SDK1: variants seen among roughly 807,000 people sequenced by gnomAD.
The protein encoded by SDK1 is sidekick cell adhesion molecule 1.
SDK1 carries 157 observed loss-of-function variants against 245.5 expected under a neutral mutation model. The observed-to-expected ratio is 0.64, with a 90% CI of 0.56 to 0.73. SDK1 has a LOEUF of 0.73. SDK1 is among the 30% of genes least tolerant of loss of function. The pLI is 0.00. For synonymous variants in SDK1, 1,647 were observed against 1,278.5 expected, an observed-to-expected ratio of 1.29 and a Z score of -6.15; for missense variants, 3,583 against 3,002.3, an observed-to-expected ratio of 1.19 and a Z score of -4.52.
chr7:3,570,836 C>G (rs1019243290), intron 1 of SDK1, among the ~76,000 whole-genome samples: 5 of 149,772 alleles, frequency 3.3e-5, no homozygotes, highest in Non-Finnish European at 6.0e-5. Context: ...TGTTCAGTGA[C>G]TTTTGTCAAT....
rs531496196 is a variant in SDK1, at chr7:3,472,812, A to G, written c.299-146268A>G. On this transcript the variant is annotated intron_variant, in intron 1 of 44. Coordinates refer to ENST00000404826, the MANE Select transcript of SDK1 (RefSeq NM_152744.4). Reference sequence around the variant, plus strand: ...CAGCATGAGAACATAGGGTAACAGCAAGTTGCTTGCCGTAGTTTTAGGTCT... The same window carrying G: ...CAGCATGAGAACATAGGGTAACAGCGAGTTGCTTGCCGTAGTTTTAGGTCT... Among the ~76,000 whole-genome samples the G allele has an allele frequency of 1.3e-4, 20 of 152,250 alleles. No individual in the cohort carries two copies. In the South Asian group the frequency reaches 3.9e-3, roughly 30 times the overall value.
chr7:3,971,627 T>A, intron 12 of SDK1, 59 bp downstream of exon 12: 1 of 1,286,808 alleles, frequency 7.8e-7, no homozygotes, highest in Non-Finnish European at 1.1e-6. Context: ...GTTTCTGAAG[T>A]GAAGTTGAGA....
chr7:3,967,688 C>A (rs888000387), intron 10 of SDK1, among the ~76,000 whole-genome samples: 4 of 152,218 alleles, frequency 2.6e-5, no homozygotes, highest in Non-Finnish European at 5.9e-5. Flanking sequence ...TCATTAGATT[C>A]TTCTAGGGAG....
chr7:3,999,571 G>T (rs557862571), intron 14 of SDK1, among the ~76,000 whole-genome samples: 20 of 152,280 alleles, frequency 1.3e-4, no homozygotes, highest in African/African-American at 4.8e-4. Flanking sequence ...GCCTCGGGGC[G>T]GGGGAGGCTG....
chr7:3,754,650 A>G (rs566172701), intron 4 of SDK1, among the ~76,000 whole-genome samples: 1 of 151,834 alleles, frequency 6.6e-6, no homozygotes, highest in East Asian at 1.9e-4. Flanking sequence ...TGACTGGAGA[A>G]ACAGCATGAC....
rs191831524 is a variant in SDK1, at chr7:3,499,571, T to C, written c.299-119509T>C. 2.6e-5 allele frequency among the ~76,000 whole-genome samples: 4 copies of C among 152,362 alleles called. No individual in the cohort carries two copies. The East Asian group carries it at 7.7e-4, about 29-fold the overall frequency. On this transcript the variant is annotated intron_variant, in intron 1 of 44. Coordinates refer to ENST00000404826, the MANE Select transcript of SDK1 (RefSeq NM_152744.4). ...AACACGTCAGGTTTGCTAGCTCTTC[T>C]TTATGGACTAACCACCCCATTGTTG...
chr7:3,780,724 A>T (rs1780705087), intron 4 of SDK1, among the ~76,000 whole-genome samples: 1 of 149,596 alleles, frequency 6.7e-6, no homozygotes, highest in African/African-American at 2.4e-5. Context: ...AAGCCCACCC[A>T]ACCACCCTGT....
rs560953164 is a variant in SDK1, at chr7:3,565,163, C to T, written c.299-53917C>T. Among the ~76,000 whole-genome samples, 3 of 151,820 alleles carry T rather than the reference C, an allele frequency of 2.0e-5. No homozygotes were observed. In the South Asian group the frequency reaches 6.3e-4, roughly 32 times the overall value. On this transcript the variant is annotated intron_variant, in intron 1 of 44. Transcript: ENST00000404826. ...AACTAGACACTGGAATATAGCTGGGCCCAGCAAACACATCTCTCCAGTCTT... is the reference window on the plus strand; with the variant it reads ...AACTAGACACTGGAATATAGCTGGGTCCAGCAAACACATCTCTCCAGTCTT...
intron 1 of SDK1, among the ~76,000 whole-genome samples, chr7:3,439,679 G>A (rs1780136886): frequency 6.6e-6 from 1 of 152,204 alleles, no homozygotes; most frequent in African/African-American, 2.4e-5. Context: ...ATGATCTGAT[G>A]CACTTTTGGA....
chr7:3,482,042 C>T (rs1478827196), intron 1 of SDK1, among the ~76,000 whole-genome samples: 1 of 151,826 alleles, frequency 6.6e-6, no homozygotes, highest in Non-Finnish European at 1.5e-5. Flanking sequence ...TGTCAAACAT[C>T]TATTAAAGAA....
intron 4 of SDK1, among the ~76,000 whole-genome samples, chr7:3,667,245 A>G (rs910240631): frequency 1.3e-5 from 2 of 152,210 alleles, no homozygotes; most frequent in Non-Finnish European, 2.9e-5. Flanking sequence ...TTATAACCAT[A>G]TTATTATAAA....
chr7:3,817,742 A>T (rs1779545211), intron 4 of SDK1, among the ~76,000 whole-genome samples: 3 of 152,220 alleles, frequency 2.0e-5, no homozygotes, highest in African/African-American at 7.2e-5. Context: ...GCAGGTGGTC[A>T]GAGACCCAGC....
chr7:4,169,819 C>T (rs929434775), intron 32 of SDK1, among the ~76,000 whole-genome samples: 1 of 152,108 alleles, frequency 6.6e-6, no homozygotes, highest in African/African-American at 2.4e-5. Context: ...GCGGGAGGGC[C>T]CCTGGGCACA....
intron 1 of SDK1, among the ~76,000 whole-genome samples, chr7:3,434,380 C>T (rs934720278): frequency 1.3e-5 from 2 of 152,186 alleles, no homozygotes; most frequent in East Asian, 3.8e-4. Flanking sequence ...GGTGTCCTCC[C>T]TGTTGTTTTG....
chr7:3,385,431 AAAAAT>A (rs1161958619), intron 1 of SDK1, among the ~76,000 whole-genome samples: 2 of 152,128 alleles, frequency 1.3e-5, no homozygotes, highest in Non-Finnish European at 2.9e-5. Flanking sequence ...ATGAACATAA[AAAAAT>A]ATATTTTTTT....
chr7:3,473,597 A>G (rs771177032), intron 1 of SDK1, among the ~76,000 whole-genome samples: 7 of 152,178 alleles, frequency 4.6e-5, no homozygotes, highest in Non-Finnish European at 8.8e-5. Flanking sequence ...AAGGCCTTTT[A>G]AATCTACTCC....
At chr7:4,061,197 A>G (rs1779519473) in intron 19 of SDK1, among the ~76,000 whole-genome samples, 1 of 151,990 alleles carries the variant, frequency 6.6e-6, no homozygotes, top group East Asian at 1.9e-4. Context: ...TGGTAGCTTG[A>G]TGGGGATGGC....
intron 4 of SDK1, among the ~76,000 whole-genome samples, chr7:3,651,861 G>A (rs956392): frequency 0.048 from 7,309 of 152,164 alleles, 291 homozygotes; most frequent in Non-Finnish European, 0.071. Flanking sequence ...TGATGTCTTC[G>A]AACGCCAAGG....
At chr7:4,203,448 A>T (rs1180919704) in intron 35 of SDK1, among the ~76,000 whole-genome samples, 1 of 152,104 alleles carries the variant, frequency 6.6e-6, no homozygotes, top group Non-Finnish European at 1.5e-5. Context: ...TTTAAATGCC[A>T]GTTGCAGGCA....
Sources: gnomAD v4.1 joint callset for allele counts (sites outside exome capture counted in the v4.1 genomes callset) on GRCh38, gnomAD v4.1.1 for gene constraint, MANE v1.5 for transcripts, NCBI Gene and HGNC (gene_info 2026-07-23, HGNC 2026-07-21) for gene names.